Variants in OSBPL10 observed in about 807,000 individuals in gnomAD.
OSBPL10 encodes the protein oxysterol-binding protein-related protein 10.
A neutral mutation model predicts 81.7 loss-of-function variants in OSBPL10; 49 were observed. The ratio of observed to expected loss-of-function variants is 0.60; its 90% CI spans 0.48 to 0.76. The LOEUF (loss-of-function observed/expected upper bound fraction) is 0.76. Ranked by LOEUF, OSBPL10 falls within the 30% of genes least tolerant of loss-of-function variation. The pLI is 0.00. For synonymous variants in OSBPL10, 419 were observed against 383.6 expected (o/e 1.09, Z -1.08); for missense variants, 923 against 987.8 (o/e 0.93, Z 0.88).
At chr3:31,997,922 G>T (rs978890690) in intron 2 of OSBPL10, among the ~76,000 whole-genome samples, 5 of 151,952 alleles carry the variant, frequency 3.3e-5, no homozygotes, top group Non-Finnish European at 5.9e-5. Flanking sequence ...CGAGTAGCTG[G>T]GACTATACAG....
chr3:31,921,185 A>T (rs1214171662), intron 1 of OSBPL10, among the ~76,000 whole-genome samples: 3 of 152,102 alleles, frequency 2.0e-5, no homozygotes, highest in African/African-American at 7.3e-5. Context: ...ACACATGGTT[A>T]CACATAGAAA....
chr3:32,066,386 A>G lies in OSBPL10; in HGVS notation n.185+11010T>C, dbSNP rs1699780541. ...CCCTGCTCTTTGGTTATAAATCTCCACTTGTCCTTGTTGGAGTCTGAGTTG... is the reference window on the plus strand; with the variant it reads ...CCCTGCTCTTTGGTTATAAATCTCCGCTTGTCCTTGTTGGAGTCTGAGTTG... On this transcript the variant is annotated intron_variant and non_coding_transcript_variant, in intron 1 of 3. Transcript: ENST00000479173. 2 of 151,830 alleles carry G rather than the reference A, an allele frequency of 1.3e-5. 1 individual carries two copies. The highest frequency in any genetic ancestry group is 1.3e-4 in the Admixed American group (2 of 15,218). 9.4% of individuals were successfully genotyped at this position (151,830 alleles called of 1,614,324 possible).
At chr3:31,843,401 G>T (rs1219420300) in intron 3 of OSBPL10, among the ~76,000 whole-genome samples, 3 of 152,166 alleles carry the variant, frequency 2.0e-5, no homozygotes, top group Non-Finnish European at 4.4e-5. Context: ...GCTGTAATCA[G>T]CACAAAAGCA....
intron 4 of OSBPL10, among the ~76,000 whole-genome samples, chr3:31,811,833 G>C (rs1699688870): frequency 6.6e-6 from 1 of 152,114 alleles, no homozygotes; most frequent in Non-Finnish European, 1.5e-5. Context: ...AGTCAGAGAG[G>C]TCTTTGTGGA....
At chr3:31,906,362 C>T (rs1696408683) in intron 1 of OSBPL10, among the ~76,000 whole-genome samples, 1 of 152,094 alleles carries the variant, frequency 6.6e-6, no homozygotes. Context: ...ATTCCTTTGA[C>T]ATTATATCAC....
chr3:31,844,945 G>C (rs1700592017), intron 3 of OSBPL10, among the ~76,000 whole-genome samples: 2 of 152,068 alleles, frequency 1.3e-5, no homozygotes, highest in African/African-American at 2.4e-5. Context: ...AGCTAGTCAA[G>C]GTTGTGCACA....
chr3:31,763,006 G>T (rs1180795453), intron 4 of OSBPL10, among the ~76,000 whole-genome samples: 7 of 152,036 alleles, frequency 4.6e-5, no homozygotes, highest in Non-Finnish European at 7.4e-5. Context: ...GAAAGAAGAC[G>T]CTTGGGAGCA....
upstream of OSBPL10, among the ~76,000 whole-genome samples, chr3:31,984,023 G>GT (rs145467997): frequency 9.3e-5 from 14 of 151,276 alleles, no homozygotes; most frequent in South Asian, 6.3e-4. Flanking sequence ...AGCCTAAGGG[G>GT]TTTTTTTTGT....
intron 6 of OSBPL10, among the ~76,000 whole-genome samples, chr3:31,729,098 C>T (rs1211872533): frequency 6.6e-6 from 1 of 152,158 alleles, no homozygotes; most frequent in South Asian, 2.1e-4. Context: ...GAGAACCTTG[C>T]ATTTTAAAAT....
chr3:31,849,340 C>T (rs1406038251), intron 3 of OSBPL10, among the ~76,000 whole-genome samples: 6 of 152,180 alleles, frequency 3.9e-5, no homozygotes, highest in Admixed American at 3.9e-4. Context: ...TTTGAGGATA[C>T]ATTTATAACA....
intron 7 of OSBPL10, among the ~76,000 whole-genome samples, chr3:31,693,802 C>G (rs1471920266): frequency 6.6e-6 from 1 of 152,174 alleles, no homozygotes; most frequent in Non-Finnish European, 1.5e-5. Flanking sequence ...AGGTCTTGCT[C>G]TGTTGCCCAG....
At chr3:31,981,430 T>C (rs1698841395), upstream of OSBPL10, 1 of 503,444 alleles carries the variant, frequency 2.0e-6, no homozygotes, top group Non-Finnish European at 3.1e-6. This position sits in a 1 kb window ranked among gnomAD's most constrained non-coding sequence, Gnocchi z 4.5. Flanking sequence ...CCCTCCGCAC[T>C]AGTTTCCCGG....
intron 6 of OSBPL10, among the ~76,000 whole-genome samples, chr3:31,729,478 G>A (rs576645273): frequency 6.6e-6 from 1 of 152,286 alleles, no homozygotes; most frequent in African/African-American, 2.4e-5. Context: ...CTGGAGTGGA[G>A]TGGCACAATC....
chr3:31,767,964 T>G (rs1698252185), intron 4 of OSBPL10, among the ~76,000 whole-genome samples: 1 of 151,854 alleles, frequency 6.6e-6, no homozygotes, highest in African/African-American at 2.4e-5. Flanking sequence ...AGTAAAGGAG[T>G]AAAGGATACT....
chr3:31,989,154 T>C, intron 2 of OSBPL10: 2 of 1,614,140 alleles, frequency 1.2e-6, no homozygotes, highest in South Asian at 1.1e-5. Context: ...GACACTTGAC[T>C]TTTAGGGATG....
intron 1 of OSBPL10, among the ~76,000 whole-genome samples, chr3:31,907,702 C>G (rs1268362369): frequency 2.0e-5 from 3 of 149,120 alleles, no homozygotes; most frequent in Middle Eastern, 3.5e-3. Context: ...AGGACCAGGA[C>G]CAGATACTTG....
chr3:31,766,585 C>CT (rs1698207659), intron 4 of OSBPL10, among the ~76,000 whole-genome samples: 1 of 151,986 alleles, frequency 6.6e-6, no homozygotes, highest in Non-Finnish European at 1.5e-5. Flanking sequence ...AGCAATCTTC[C>CT]TCCTCAGCCC....
At chr3:31,894,812 C>T (rs1696005127) in intron 1 of OSBPL10, among the ~76,000 whole-genome samples, 1 of 152,190 alleles carries the variant, frequency 6.6e-6, no homozygotes, top group South Asian at 2.1e-4. Context: ...CAAGAGAACG[C>T]TAGTTTTTAG....
At chr3:31,774,403 GTC>G (rs1698486811) in intron 4 of OSBPL10, among the ~76,000 whole-genome samples, 1 of 152,210 alleles carries the variant, frequency 6.6e-6, no homozygotes, top group Non-Finnish European at 1.5e-5. Flanking sequence ...CGAGCGGAGT[GTC>G]GAGGCTGGCT....
Sources: gnomAD v4.1 joint callset for allele counts (sites outside exome capture counted in the v4.1 genomes callset) on GRCh38, gnomAD v4.1.1 for gene constraint, Gnocchi (gnomAD v3.1) non-coding constraint, MANE v1.5 for transcripts, NCBI Gene and HGNC (gene_info 2026-07-23, HGNC 2026-07-21) for gene names.